The following TPR variants were observed in gnomAD, a reference collection of about 807,000 sequenced individuals.
TPR encodes the protein translocated promoter region, nuclear basket protein, also known as nucleoprotein TPR.
In TPR, 51 loss-of-function variants were observed where a neutral mutation model predicts 316.1. The ratio of observed to expected loss-of-function variants is 0.16; its 90% confidence interval spans 0.13 to 0.20. TPR has a LOEUF of 0.20. TPR is among the 10% of genes least tolerant of loss of function. The pLI is 1.00. For synonymous variants in TPR, 981 were observed against 914.7 expected, an observed-to-expected ratio of 1.07 and a Z score of -1.31; for missense variants, 2,272 against 2,754.8, an observed-to-expected ratio of 0.82 and a Z score of 3.92.
chr1:186,373,729 T>A (rs1208304480), intron 1 of TPR, among the ~76,000 whole-genome samples: 1 of 152,226 alleles, frequency 6.6e-6, no homozygotes, highest in Admixed American at 6.5e-5. Flanking sequence ...TCAAGGCAGG[T>A]AACCTCATTT....
chr1:186,320,701 C>G (rs1265061269), intron 45 of TPR, among the ~76,000 whole-genome samples: 1 of 152,102 alleles, frequency 6.6e-6, no homozygotes, highest in African/African-American at 2.4e-5. Flanking sequence ...TCTCAGATAT[C>G]CTCACATAGA....
chr1:186,348,625 CT>C (rs1297767646), intron 21 of TPR, among the ~76,000 whole-genome samples: 1 of 152,092 alleles, frequency 6.6e-6, no homozygotes, highest in Non-Finnish European at 1.5e-5. Context: ...TGGTCTGAGA[CT>C]CAGGCCAGCA....
chr1:186,315,910 C>T (rs992371653), intron 49 of TPR, among the ~76,000 whole-genome samples: 5 of 148,278 alleles, frequency 3.4e-5, no homozygotes, highest in Non-Finnish European at 7.4e-5. Context: ...CAGCTTTGAT[C>T]CCTTTCTTCT....
At chr1:186,361,312 A>C (rs1659180363) in intron 9 of TPR, among the ~76,000 whole-genome samples, 1 of 152,034 alleles carries the variant, frequency 6.6e-6, no homozygotes, top group East Asian at 1.9e-4. Context: ...ATAAAGTAAG[A>C]GTATTCAAAC....
At chr1:186,362,246 T>G (rs746997723) in intron 7 of TPR, 42 bp downstream of exon 7, 1 of 1,508,180 alleles carries the variant, frequency 6.6e-7, no homozygotes, top group Non-Finnish European at 9.2e-7. Context: ...TCGTAAGTGC[T>G]TTAGTATTTT....
Position 186,312,864 on chromosome 1 carries a change from G to A in TPR, c.*1107C>T. 6.2e-7 allele frequency: 1 copy of A among 1,612,720 alleles called. No homozygotes were observed. The highest frequency in any genetic ancestry group is 8.5e-7 in the Non-Finnish European group (1 of 1,178,770). On this transcript the variant is annotated 3_prime_UTR_variant, in exon 51 of 51. Coordinates refer to ENST00000367478, the MANE Select transcript of TPR (RefSeq NM_003292.3). Reference sequence around the variant, plus strand: ...ATCACTGCCCAACATCAGAAAACCTGACGGCTATGATTACTATGCCTTTTC... The same window carrying A: ...ATCACTGCCCAACATCAGAAAACCTAACGGCTATGATTACTATGCCTTTTC...
At position 186,345,759 on chromosome 1, in the gene TPR, T is replaced by C. The variant is rs139088406; in HGVS notation, c.3097-63A>G. ...GCAAACTTACTTGGAAAATACTGTA[T>C]TGTAGTGTTACTAAATTGAAGTCTC... On this transcript the variant is annotated intron_variant, in intron 23 of 50. Coordinates refer to ENST00000367478, the MANE Select transcript of TPR (RefSeq NM_003292.3). 1.1e-5 allele frequency: 13 copies of C among 1,158,372 alleles called. No individual in the cohort carries two copies. In the African/African-American group the frequency reaches 1.4e-4, roughly 12 times the overall value. The allele number at this position is 1,158,372 out of a possible 1,614,324, so 71.8% of individuals were successfully genotyped here.
chr1:186,340,438 C>T (rs994084951), intron 29 of TPR, among the ~76,000 whole-genome samples: 1 of 145,588 alleles, frequency 6.9e-6, no homozygotes, highest in Non-Finnish European at 1.5e-5. Context: ...TCCTATTTTG[C>T]TTTTTTTTTT....
At chr1:186,320,251 T>A in intron 46 of TPR, 61 bp downstream of exon 46, 2 of 1,394,906 alleles carry the variant, frequency 1.4e-6, no homozygotes, top group Non-Finnish European at 2.0e-6. Flanking sequence ...TTAAATCACA[T>A]CTTAATAGTT....
chr1:186,356,219 G>A, intron 15 of TPR, 67 bp downstream of exon 15: 1 of 1,400,430 alleles, frequency 7.1e-7, no homozygotes, highest in Non-Finnish European at 9.5e-7. Flanking sequence ...TATTGCTTAT[G>A]TTGCAAAATT....
rs979611171 is a variant in TPR at position 186,318,929 on chromosome 1, A to G, written c.6569-101T>C. The G allele has an allele frequency of 1.7e-5, 18 of 1,086,432 alleles. No individual in the cohort carries two copies. In the East Asian group the frequency reaches 4.2e-4, roughly 25 times the overall value. The allele number at this position is 1,086,432 out of a possible 1,614,324, so 67.3% of individuals were successfully genotyped here. Reference sequence around the variant, plus strand: ...AAATATTAATTATTGGAGATATACAACTTTACTAAAGTCCACGATTTAATT... The same window carrying G: ...AAATATTAATTATTGGAGATATACAGCTTTACTAAAGTCCACGATTTAATT... On this transcript the variant is annotated intron_variant, in intron 46 of 50. Transcript: ENST00000367478.
chr1:186,358,047 T>C (rs1659080457), intron 13 of TPR, among the ~76,000 whole-genome samples: 1 of 152,190 alleles, frequency 6.6e-6, no homozygotes, highest in African/African-American at 2.4e-5. Context: ...TGCGTGGATG[T>C]ACACACACAC....
At position 186,327,582 on chromosome 1, in the gene TPR, G is replaced by A. The variant is rs960414943; in HGVS notation, c.5767C>T (p.Leu1923Phe). 3 of 1,612,706 alleles carry A rather than the reference G, an allele frequency of 1.9e-6. No homozygotes were observed. The Admixed American group carries it at 5.0e-5, about 27-fold the overall frequency. ...GTTGTCGTCTGCTGATCTGATTGAA[G>A]TGGCCCAAGATCTATTTGTAGAGAC... is the stretch of plus-strand genomic sequence containing the variant. ...SQSLQIDLGP[L>F]QSDQQTTTSS... The change falls in exon 40 of 51, where the codon CTT becomes TTT. Residue 1923 changes from leucine (L) to phenylalanine (F), a missense_variant. Transcript: ENST00000367478.
In TPR at chr1:186,362,085, C is replaced by G. The variant is rs374783714; in HGVS notation, c.789+203G>C. 6.6e-5 allele frequency among the ~76,000 whole-genome samples: 10 copies of G among 151,902 alleles called. No homozygotes were observed. The South Asian group carries it at 1.0e-3, about 16-fold the overall frequency. On this transcript the variant is annotated intron_variant, in intron 7 of 50. Coordinates refer to ENST00000367478, the MANE Select transcript of TPR (RefSeq NM_003292.3). ...AATTAAACAATAAAATTAACCCATA[C>G]TCATTTTTTAGATAGTATTTTCAAT... is the stretch of plus-strand genomic sequence containing the variant.
chr1:186,314,830 G>C (rs1012960500), intron 49 of TPR, 106 bp from the exon 50 acceptor site: 3 of 591,138 alleles, frequency 5.1e-6, no homozygotes, highest in Non-Finnish European at 8.3e-6. Flanking sequence ...ATGTAGACTT[G>C]TTCATTTGAT....
rs1162901868 is a variant in TPR at position 186,374,921 on chromosome 1, G to C, written c.108C>G (p.Ile36Met). The C allele has an allele frequency of 2.5e-6, 4 of 1,603,480 alleles. No individual in the cohort carries two copies. The African/African-American group carries it at 4.0e-5, about 16-fold the overall frequency. ...TCTCATGCCGCCCCTTCAGGCCATC[G>C]ATCTCGGATTGCTGATCAGCAAGGA... is the stretch of plus-strand genomic sequence containing the variant. ...EKFLADQQSEIDGLKGRHEKF... is the reference protein window; with the variant it reads ...EKFLADQQSEMDGLKGRHEKF... The change falls in exon 1 of 51, where the codon ATC becomes ATG. Residue 36 changes from isoleucine to methionine, a missense_variant. By Grantham distance (10) the Ile-to-Met change is conservative. Around this residue, in one of 10 missense-constraint regions of TPR, gnomAD observed 549 missense variants for 598.6 expected, o/e 0.92. Transcript: ENST00000367478.
At chr1:186,344,146 A>G in intron 25 of TPR, 56 bp from the exon 26 acceptor site, 1 of 1,558,424 alleles carries the variant, frequency 6.4e-7, no homozygotes, top group East Asian at 2.3e-5. Flanking sequence ...TTTAAAAAAA[A>G]CAACTTGGCC....
rs778369405 is a variant in TPR at position 186,322,592 on chromosome 1, T to C, written c.6298-6A>G. The C allele has an allele frequency of 1.9e-6, 3 of 1,613,968 alleles. No homozygotes were observed. Among genetic ancestry groups the C allele is most frequent in the South Asian group, 2.2e-5 (2 of 91,070 alleles). Reference sequence around the variant, plus strand: ...CTTCGGGTCATCTGAATTCTCTGCGTGTCAAGATAAAGGAATTACATTTGC... The same window carrying C: ...CTTCGGGTCATCTGAATTCTCTGCGCGTCAAGATAAAGGAATTACATTTGC... On this transcript the variant is annotated splice_polypyrimidine_tract_variant and splice_region_variant and intron_variant, in intron 43 of 50. Transcript: ENST00000367478.
chr1:186,341,822 T>C (rs1245122766), intron 27 of TPR: 1 of 161,836 alleles, frequency 6.2e-6, no homozygotes, highest in East Asian at 1.8e-4. Flanking sequence ...GAATTATCTG[T>C]GAAGAATTTT....
Sources: allele counts gnomAD v4.1 joint callset (sites outside exome capture counted in the v4.1 genomes callset), GRCh38; gene constraint gnomAD v4.1.1; regional missense constraint gnomAD v4.1.1; transcripts MANE v1.5; gene names NCBI Gene and HGNC (gene_info 2026-07-23, HGNC 2026-07-21).